The following CYRIA variants were observed in gnomAD, a reference collection of about 807,000 sequenced individuals.
CYRIA encodes the protein CYFIP related Rac1 interactor A, also known as CYFIP-related Rac1 interactor A.
A neutral mutation model predicts 43.9 loss-of-function variants in CYRIA; 15 were observed. That is an observed-to-expected ratio of 0.34 (90% CI 0.23 to 0.53). The LOEUF is 0.53. Among genes scored for constraint, CYRIA ranks in the 20% least tolerant of loss-of-function variants. The pLI is 0.94. For synonymous variants in CYRIA, 117 were observed against 136.0 expected, an observed-to-expected ratio of 0.86 and a Z score of 0.97; for missense variants, 236 against 394.2, an observed-to-expected ratio of 0.60 and a Z score of 3.40.
chr2:16,549,474 A>C lies in CYRIA; in HGVS notation c.*3462T>G, dbSNP rs1333180246. On this transcript the variant is annotated 3_prime_UTR_variant, in exon 12 of 12. Coordinates refer to ENST00000381323, the MANE Select transcript of CYRIA (RefSeq NM_030797.4). Reference sequence around the variant, plus strand: ...TAGAGGTGCATTTTTAAATATATGTACCAAACTTTAATTTTCATTTCACAC... The same window carrying C: ...TAGAGGTGCATTTTTAAATATATGTCCCAAACTTTAATTTTCATTTCACAC... 1.3e-5 allele frequency: 2 copies of C among 152,070 alleles called. No homozygotes were observed. Among genetic ancestry groups the C allele is most frequent in the African/African-American group, 4.8e-5 (2 of 41,428 alleles). The allele number at this position is 152,070 out of a possible 1,614,324, so 9.4% of individuals were successfully genotyped here.
chr2:16,659,410 C>A (rs1432772467), intron 1 of CYRIA, among the ~76,000 whole-genome samples: 1 of 152,246 alleles, frequency 6.6e-6, no homozygotes, highest in African/African-American at 2.4e-5. Flanking sequence ...CTGTTTCAAA[C>A]GTTCTTCAGA....
chr2:16,564,181 C>A, intron 4 of CYRIA, 87 bp from the exon 5 acceptor site: 2 of 1,035,054 alleles, frequency 1.9e-6, no homozygotes, highest in Non-Finnish European at 2.9e-6. Context: ...AAAATACAAT[C>A]CTTGCTATAC....
In CYRIA at chr2:16,643,565, A is replaced by G. The variant is rs148640698; in HGVS notation, c.-166-19546T>C. On this transcript the variant is annotated intron_variant, in intron 1 of 11. Transcript: ENST00000381323. ...AAATGAAACACACTAAAGTTGGTTAATAATTGTGTACACGTTCCCTCTTCA... is the reference window on the plus strand; with the variant it reads ...AAATGAAACACACTAAAGTTGGTTAGTAATTGTGTACACGTTCCCTCTTCA... Among the ~76,000 whole-genome samples the G allele has an allele frequency of 3.3e-5, 5 of 152,338 alleles. No individual in the cohort carries two copies. In the East Asian group the frequency reaches 9.6e-4, roughly 29 times the overall value.
intron 1 of CYRIA, among the ~76,000 whole-genome samples, chr2:16,634,374 C>T (rs1399479635): frequency 6.6e-6 from 1 of 152,184 alleles, no homozygotes; most frequent in Non-Finnish European, 1.5e-5. Context: ...TGATGCCTCC[C>T]AAGCATCTTA....
chr2:16,579,419 G>GCACACACACACACACA (rs35850813), intron 3 of CYRIA, among the ~76,000 whole-genome samples: 2 of 147,334 alleles, frequency 1.4e-5, no homozygotes, highest in African/African-American at 5.0e-5. Flanking sequence ...ACATGCACAT[G>GCACACACACACACACA]CACACACACA....
chr2:16,573,056 A>T (rs1667198771), intron 3 of CYRIA, among the ~76,000 whole-genome samples: 1 of 152,186 alleles, frequency 6.6e-6, no homozygotes, highest in Admixed American at 6.5e-5. Flanking sequence ...ACACACTAAG[A>T]ACCCACACCC....
chr2:16,618,275 C>T (rs1668872275), intron 2 of CYRIA, among the ~76,000 whole-genome samples: 1 of 152,176 alleles, frequency 6.6e-6, no homozygotes, highest in Non-Finnish European at 1.5e-5. Flanking sequence ...CTCCCTCTTC[C>T]CAGCATCTTC....
chr2:16,644,870 C>A (rs180806321), intron 1 of CYRIA, among the ~76,000 whole-genome samples: 1 of 152,190 alleles, frequency 6.6e-6, no homozygotes, highest in Non-Finnish European at 1.5e-5. Context: ...CAACCCCCCA[C>A]ACACGGAGCC....
At chr2:16,582,467 A>G (rs2103448622) in intron 3 of CYRIA, among the ~76,000 whole-genome samples, 1 of 152,320 alleles carries the variant, frequency 6.6e-6, no homozygotes, top group South Asian at 2.1e-4. Flanking sequence ...GAACATTTTC[A>G]TTAACACCCC....
chr2:16,635,661 C>T (rs1478821662), intron 1 of CYRIA, among the ~76,000 whole-genome samples: 4 of 152,146 alleles, frequency 2.6e-5, no homozygotes, highest in South Asian at 2.1e-4. Flanking sequence ...TGAAAAGACA[C>T]GGTGTGAAGT....
At chr2:16,573,728 G>A (rs551173535) in intron 3 of CYRIA, among the ~76,000 whole-genome samples, 1 of 152,266 alleles carries the variant, frequency 6.6e-6, no homozygotes, top group African/African-American at 2.4e-5. Flanking sequence ...CTCTCTCTTT[G>A]TCTGCTGCCA....
At chr2:16,599,738 G>C (rs530660655) in intron 2 of CYRIA, among the ~76,000 whole-genome samples, 1 of 151,906 alleles carries the variant, frequency 6.6e-6, no homozygotes. Context: ...GTTCCTATTC[G>C]GCCATCTTGG....
At chr2:16,566,428 C>T (rs908583604) in intron 3 of CYRIA, among the ~76,000 whole-genome samples, 1 of 152,128 alleles carries the variant, frequency 6.6e-6, no homozygotes, top group Non-Finnish European at 1.5e-5. Flanking sequence ...TAAAAATATG[C>T]TTAAAAACTG....
In CYRIA at chr2:16,579,514, T is replaced by G. The variant is rs1463816253; in HGVS notation, c.70+8536A>C. Among the ~76,000 whole-genome samples, 3 of 151,950 alleles carry G rather than the reference T, an allele frequency of 2.0e-5. No individual in the cohort carries two copies. The East Asian group carries it at 5.8e-4, about 29-fold the overall frequency. On this transcript the variant is annotated intron_variant, in intron 3 of 11. Transcript: ENST00000381323. Reference sequence around the variant, plus strand: ...AAAAAAACACATTTCATTGAGAAGCTTATGGCATATATAGAAGCAAAATAC... The same window carrying G: ...AAAAAAACACATTTCATTGAGAAGCGTATGGCATATATAGAAGCAAAATAC...
chr2:16,614,298 C>T (rs554932853), intron 2 of CYRIA, among the ~76,000 whole-genome samples: 3 of 152,260 alleles, frequency 2.0e-5, no homozygotes, highest in South Asian at 2.1e-4. Context: ...ATCTGCAATC[C>T]ACAAGAGAAG....
chr2:16,573,969 T>C (rs900310702), intron 3 of CYRIA, among the ~76,000 whole-genome samples: 3 of 152,184 alleles, frequency 2.0e-5, no homozygotes, highest in Non-Finnish European at 4.4e-5. Flanking sequence ...TGGAACTTGA[T>C]AACAGACAGA....
At chr2:16,621,683 C>T (rs1669001213) in intron 2 of CYRIA, among the ~76,000 whole-genome samples, 1 of 152,160 alleles carries the variant, frequency 6.6e-6, no homozygotes, top group African/African-American at 2.4e-5. Context: ...TCTGGCTCTT[C>T]CTTCTAGCCT....
At chr2:16,639,753 T>C (rs1253203423) in intron 1 of CYRIA, among the ~76,000 whole-genome samples, 1 of 152,214 alleles carries the variant, frequency 6.6e-6, no homozygotes, top group Non-Finnish European at 1.5e-5. Flanking sequence ...TCAAGACTCC[T>C]GGGAAATGAT....
rs569463742 is a variant in CYRIA, at chr2:16,599,906, G to A, written c.-10-11777C>T. On this transcript the variant is annotated intron_variant, in intron 2 of 11. Coordinates refer to ENST00000381323, the MANE Select transcript of CYRIA (RefSeq NM_030797.4). The stretch of plus-strand genomic sequence containing the variant: ...CAAGAAGCTGGGATTACAGGCACCC[G>A]CCACCACACCCAGCTAATTTTTGTA... 5.3e-5 allele frequency among the ~76,000 whole-genome samples: 8 copies of A among 152,180 alleles called. No individual in the cohort carries two copies. In the South Asian group the frequency reaches 6.2e-4, roughly 12 times the overall value.
Sources: gnomAD v4.1 joint callset for allele counts (sites outside exome capture counted in the v4.1 genomes callset) on GRCh38, gnomAD v4.1.1 for gene constraint, MANE v1.5 for transcripts, NCBI Gene and HGNC (gene_info 2026-07-23, HGNC 2026-07-21) for gene names.